TAFA2: variants seen among roughly 807,000 people sequenced by gnomAD.
TAFA2 encodes the protein chemokine-like protein TAFA-2.
In TAFA2, 7 loss-of-function variants were observed where a neutral mutation model predicts 18.8. The ratio of observed to expected loss-of-function variants is 0.37; its 90% CI spans 0.21 to 0.70. The LOEUF (loss-of-function observed/expected upper bound fraction) is 0.70, where lower values mean the gene tolerates loss of function less well. TAFA2 is among the 30% of genes least tolerant of loss of function. The probability of loss-of-function intolerance (pLI) is 0.53; values close to 1 mark genes in which losing one functional copy is unlikely to be tolerated. For synonymous variants in TAFA2, 60 were observed against 54.2 expected (o/e 1.11, Z -0.47); for missense variants, 122 against 158.1 (o/e 0.77, Z 1.23).
intron 1 of TAFA2, among the ~76,000 whole-genome samples, chr12:61,938,557 G>C (rs1028319372): frequency 6.6e-6 from 1 of 151,958 alleles, no homozygotes; most frequent in African/African-American, 2.4e-5. Context: ...CCCACTCCTG[G>C]GTATCTACCC....
chr12:62,251,292 C>A (rs1389465054), intron 1 of TAFA2, among the ~76,000 whole-genome samples: 2 of 151,958 alleles, frequency 1.3e-5, no homozygotes, highest in African/African-American at 4.8e-5. Flanking sequence ...GAGGTGATTT[C>A]AAAGAAGAAT....
intron 4 of TAFA2, among the ~76,000 whole-genome samples, chr12:61,732,913 G>C (rs1193865635): frequency 2.0e-5 from 3 of 151,930 alleles, no homozygotes; most frequent in Non-Finnish European, 4.4e-5. Context: ...AGAACAAGAA[G>C]TCTGTCCATG....
At chr12:61,722,068 A>C (rs1869929742) in intron 4 of TAFA2, among the ~76,000 whole-genome samples, 1 of 152,198 alleles carries the variant, frequency 6.6e-6, no homozygotes, top group Non-Finnish European at 1.5e-5. Context: ...TGAGAGGAAA[A>C]TATGAGTAAC....
intron 1 of TAFA2, among the ~76,000 whole-genome samples, chr12:62,167,404 G>A (rs1341940066): frequency 2.6e-5 from 4 of 152,124 alleles, no homozygotes; most frequent in East Asian, 1.9e-4. Flanking sequence ...CTAATGTTAC[G>A]TGCTTTTAGT....
intron 1 of TAFA2, among the ~76,000 whole-genome samples, chr12:62,147,362 A>G (rs2062292401): frequency 7.3e-6 from 1 of 136,806 alleles, no homozygotes; most frequent in African/African-American, 2.7e-5. Context: ...ATATATATAT[A>G]TATATATAGC....
At chr12:61,934,899 A>C (rs1877702306) in intron 1 of TAFA2, among the ~76,000 whole-genome samples, 1 of 152,232 alleles carries the variant, frequency 6.6e-6, no homozygotes, top group Admixed American at 6.5e-5. Context: ...ATGACTCCAC[A>C]GTTAGTACTT....
chr12:62,125,665 C>T (rs1414565510), intron 1 of TAFA2, among the ~76,000 whole-genome samples: 4 of 149,626 alleles, frequency 2.7e-5, no homozygotes, highest in African/African-American at 7.3e-5. Flanking sequence ...AAGATAACTC[C>T]CGCAGATATT....
chr12:61,813,556 T>G (rs1227752949), intron 2 of TAFA2, among the ~76,000 whole-genome samples: 3 of 151,394 alleles, frequency 2.0e-5, no homozygotes, highest in Non-Finnish European at 2.9e-5. Context: ...AACAAAAGTA[T>G]GGTGAATATT....
intron 1 of TAFA2, among the ~76,000 whole-genome samples, chr12:61,993,435 C>G (rs1880076952): frequency 6.6e-6 from 1 of 152,050 alleles, no homozygotes; most frequent in African/African-American, 2.4e-5. Context: ...ACTATAGAAC[C>G]TATTTCATTA....
chr12:62,130,583 G>A (rs1200181207), intron 1 of TAFA2, among the ~76,000 whole-genome samples: 1 of 151,928 alleles, frequency 6.6e-6, no homozygotes, highest in Non-Finnish European at 1.5e-5. Flanking sequence ...ATTCACATGT[G>A]TTCCTCTTTT....
At chr12:62,234,874 C>A in intron 1 of TAFA2, 1 of 1,031,738 alleles carries the variant, frequency 9.7e-7, no homozygotes, top group East Asian at 2.7e-5. Flanking sequence ...GGACTCAGCT[C>A]GGGGCATCCC....
intron 1 of TAFA2, among the ~76,000 whole-genome samples, chr12:61,982,680 T>A (rs1022645193): frequency 4.6e-5 from 7 of 151,896 alleles, no homozygotes; most frequent in African/African-American, 1.7e-4. Context: ...CTCAAGTACC[T>A]CTCCCAGCAA....
chr12:61,887,936 T>C (rs532397757), intron 1 of TAFA2, among the ~76,000 whole-genome samples: 1 of 152,168 alleles, frequency 6.6e-6, no homozygotes, highest in African/African-American at 2.4e-5. Context: ...AACAGACACT[T>C]CTCAAAAGAA....
At chr12:61,915,977 T>G (rs1249750215) in intron 1 of TAFA2, among the ~76,000 whole-genome samples, 1 of 152,196 alleles carries the variant, frequency 6.6e-6, no homozygotes, top group African/African-American at 2.4e-5. Flanking sequence ...CATCACACCA[T>G]GTAAATCAAG....
At chr12:62,082,443 T>C (rs1050754006) in intron 1 of TAFA2, among the ~76,000 whole-genome samples, 1 of 152,180 alleles carries the variant, frequency 6.6e-6, no homozygotes, top group African/African-American at 2.4e-5. Context: ...TGTACAAATA[T>C]CACATCTTGT....
intron 1 of TAFA2, among the ~76,000 whole-genome samples, chr12:62,254,905 G>C (rs2062931123): frequency 6.6e-6 from 1 of 152,172 alleles, no homozygotes; most frequent in Non-Finnish European, 1.5e-5. Context: ...TGTCCAAACA[G>C]AAAGTCTGAA....
chr12:61,712,300 T>G (rs1230597994), intron 4 of TAFA2, among the ~76,000 whole-genome samples: 1 of 152,150 alleles, frequency 6.6e-6, no homozygotes, highest in East Asian at 1.9e-4. Context: ...ATATCTTCAT[T>G]TCAAGCTAAA....
At chr12:61,827,476 A>C (rs530356920) in intron 2 of TAFA2, among the ~76,000 whole-genome samples, 1 of 152,104 alleles carries the variant, frequency 6.6e-6, no homozygotes, top group South Asian at 2.1e-4. Flanking sequence ...TTTTAGTTCT[A>C]CTTTGAAAAG....
intron 1 of TAFA2, among the ~76,000 whole-genome samples, chr12:62,250,132 A>G (rs990464745): frequency 6.6e-6 from 1 of 152,238 alleles, no homozygotes; most frequent in African/African-American, 2.4e-5. Context: ...GCAAGCATCA[A>G]TATGTTGTAA....
Sources: gnomAD v4.1 joint callset for allele counts (sites outside exome capture counted in the v4.1 genomes callset) on GRCh38, gnomAD v4.1.1 for gene constraint, MANE v1.5 for transcripts, NCBI Gene and HGNC (gene_info 2026-07-23, HGNC 2026-07-21) for gene names.